CCDC178: variants seen among roughly 807,000 people sequenced by gnomAD.
CCDC178 encodes the protein coiled-coil domain containing 178.
CCDC178 carries 126 observed loss-of-function variants against 117.4 expected under a neutral mutation model. The observed-to-expected ratio is 1.07, with a 90% CI of 0.93 to 1.24. CCDC178 has a LOEUF of 1.24. Ranked by LOEUF, CCDC178 falls within the 50% of genes most tolerant of loss-of-function variation. The pLI, the probability that CCDC178 is intolerant of heterozygous loss-of-function variation, is 0.00. For synonymous variants in CCDC178, 283 were observed against 313.4 expected (o/e 0.90, Z 1.02); for missense variants, 1,030 against 986.9 (o/e 1.04, Z -0.59).
intron 21 of CCDC178, among the ~76,000 whole-genome samples, chr18:33,013,481 AT>A (rs1471704740): frequency 6.6e-6 from 1 of 152,192 alleles, no homozygotes; most frequent in African/African-American, 2.4e-5. Flanking sequence ...GTGGTGAACC[AT>A]TTTTTAAATG....
chr18:33,185,595 C>T (rs899873027), intron 20 of CCDC178, among the ~76,000 whole-genome samples: 2 of 151,736 alleles, frequency 1.3e-5, no homozygotes, highest in African/African-American at 2.4e-5. Context: ...AAAATAAAGT[C>T]AAAAGTAGAA....
chr18:33,386,324 G>A (rs1359350953), intron 5 of CCDC178, among the ~76,000 whole-genome samples: 3 of 152,180 alleles, frequency 2.0e-5, no homozygotes, highest in African/African-American at 7.2e-5. Flanking sequence ...CCAAACAATT[G>A]AAAAGGAGGG....
At chr18:33,310,008 C>T (rs1368864771) in intron 11 of CCDC178, among the ~76,000 whole-genome samples, 1 of 150,446 alleles carries the variant, frequency 6.6e-6, no homozygotes, top group African/African-American at 2.5e-5. Flanking sequence ...CTCACTCTGT[C>T]ACCAGGCTGG....
At chr18:33,264,911 T>C (rs918388314) in intron 14 of CCDC178, among the ~76,000 whole-genome samples, 1 of 152,036 alleles carries the variant, frequency 6.6e-6, no homozygotes, top group Non-Finnish European at 1.5e-5. Context: ...GGGGGTTGTG[T>C]GTTACTGCAG....
rs577846136 is a variant in CCDC178, at chr18:33,383,946, A to G, written c.208+5594T>C. Among the ~76,000 whole-genome samples the G allele has an allele frequency of 3.0e-4, 45 of 152,304 alleles. No homozygotes were observed. The South Asian group carries it at 3.5e-3, about 12-fold the overall frequency. On this transcript the variant is annotated intron_variant, in intron 5 of 22. Coordinates refer to ENST00000383096, the MANE Select transcript of CCDC178 (RefSeq NM_001105528.4). ...AAAGGATTATGTTCTAACACAATGC[A>G]AAGAAGCTAAGAACCATGATAAAAG...
intron 15 of CCDC178, among the ~76,000 whole-genome samples, chr18:33,240,951 A>G (rs188160277): frequency 1.3e-5 from 2 of 152,056 alleles, no homozygotes; most frequent in Admixed American, 1.3e-4. Context: ...AACTTAAACA[A>G]AACACTAGCA....
chr18:33,409,220 G>A (rs1022867502), intron 3 of CCDC178, among the ~76,000 whole-genome samples: 4 of 152,052 alleles, frequency 2.6e-5, no homozygotes, highest in African/African-American at 9.7e-5. Flanking sequence ...CAGTAGCTGG[G>A]ACTACAGGCA....
intron 18 of CCDC178, among the ~76,000 whole-genome samples, chr18:33,222,091 CAG>C (rs1489440711): frequency 2.0e-5 from 3 of 152,052 alleles, no homozygotes; most frequent in Admixed American, 2.0e-4. Flanking sequence ...TTTATAGTTT[CAG>C]AGTGTCAGAT....
chr18:33,354,354 T>C (rs2063022352), intron 7 of CCDC178, among the ~76,000 whole-genome samples: 1 of 152,162 alleles, frequency 6.6e-6, no homozygotes, highest in Non-Finnish European at 1.5e-5. Context: ...TTCTTAGCCA[T>C]TGTTTCTTCA....
chr18:33,241,484 C>T (rs2059487872), intron 15 of CCDC178, among the ~76,000 whole-genome samples: 1 of 144,712 alleles, frequency 6.9e-6, no homozygotes, highest in Non-Finnish European at 1.5e-5. Context: ...AGAGACTCTA[C>T]CAAAAAAATT....
intron 21 of CCDC178, among the ~76,000 whole-genome samples, chr18:32,982,398 A>G (rs916863657): frequency 6.6e-6 from 1 of 152,138 alleles, no homozygotes. Context: ...AGACCAGTCA[A>G]TACTGAAAAC....
At chr18:33,199,360 T>C (rs1374009378) in intron 20 of CCDC178, among the ~76,000 whole-genome samples, 2 of 152,350 alleles carry the variant, frequency 1.3e-5, no homozygotes, top group South Asian at 4.1e-4. Context: ...CTGGTCATTT[T>C]CCACACTAAA....
chr18:33,262,134 T>A (rs1015365106), intron 14 of CCDC178, among the ~76,000 whole-genome samples: 3 of 152,186 alleles, frequency 2.0e-5, no homozygotes, highest in African/African-American at 7.2e-5. Flanking sequence ...TGGCCAATTG[T>A]TATAATTTTT....
chr18:33,198,358 A>G (rs2058956756), intron 20 of CCDC178, among the ~76,000 whole-genome samples: 1 of 152,152 alleles, frequency 6.6e-6, no homozygotes, highest in Non-Finnish European at 1.5e-5. Context: ...GTAACTAAAA[A>G]CAATTTCCTG....
intron 1 of CCDC178, chr18:33,440,408 T>TG (rs1330733783): frequency 3.5e-5 from 5 of 140,928 alleles, no homozygotes; most frequent in Non-Finnish European, 6.2e-5. Flanking sequence ...ACTGGGGGAC[T>TG]GGGGAATTAT....
At chr18:33,018,248 A>T (rs2056036029) in intron 21 of CCDC178, among the ~76,000 whole-genome samples, 1 of 152,086 alleles carries the variant, frequency 6.6e-6, no homozygotes, top group Non-Finnish European at 1.5e-5. Flanking sequence ...TACTCACTGG[A>T]ATGGTTAAAA....
At chr18:33,228,411 T>G (rs191833565) in intron 15 of CCDC178, among the ~76,000 whole-genome samples, 3 of 152,314 alleles carry the variant, frequency 2.0e-5, no homozygotes, top group Admixed American at 2.0e-4. Flanking sequence ...TTAATATTGT[T>G]TGAAAAGAAC....
intron 21 of CCDC178, among the ~76,000 whole-genome samples, chr18:33,036,672 A>G (rs964824989): frequency 6.6e-6 from 1 of 151,986 alleles, no homozygotes. Flanking sequence ...GCGAGAGTCT[A>G]CAGTGTAAAG....
intron 20 of CCDC178, among the ~76,000 whole-genome samples, chr18:33,103,264 A>C (rs2057656654): frequency 6.6e-6 from 1 of 151,720 alleles, no homozygotes; most frequent in African/African-American, 2.4e-5. Context: ...AGATCTAGTG[A>C]AACTTATTCA....
Sources: allele counts gnomAD v4.1 joint callset (sites outside exome capture counted in the v4.1 genomes callset), GRCh38; gene constraint gnomAD v4.1.1; transcripts MANE v1.5; gene names NCBI Gene and HGNC (gene_info 2026-07-23, HGNC 2026-07-21).